EYS: variants seen among roughly 807,000 people sequenced by gnomAD.
EYS encodes protein eyes shut homolog.
In EYS, 250 loss-of-function variants were observed where a neutral mutation model predicts 282.1. That is an observed-to-expected ratio of 0.89 (90% CI 0.80 to 0.98). The LOEUF is 0.98. EYS is among the 50% of genes least tolerant of loss of function. The pLI is 0.00. For synonymous variants in EYS, 1,355 were observed against 1,282.9 expected (o/e 1.06, Z -1.20); for missense variants, 4,016 against 3,709.0 (o/e 1.08, Z -2.15).
intron 15 of EYS, among the ~76,000 whole-genome samples, chr6:64,916,455 AG>A (rs1326829596): frequency 6.6e-6 from 1 of 152,208 alleles, no homozygotes; most frequent in Non-Finnish European, 1.5e-5. Context: ...TAGAAAATAA[AG>A]TTCCGAGGAA....
intron 35 of EYS, among the ~76,000 whole-genome samples, chr6:63,908,257 AC>A (rs1217508203): frequency 2.4e-4 from 37 of 151,304 alleles, no homozygotes; most frequent in Admixed American, 2.4e-3. Flanking sequence ...TTAAAACCAC[AC>A]GAGATACCAT....
intron 30 of EYS, among the ~76,000 whole-genome samples, chr6:64,249,227 C>A (rs1346628972): frequency 6.6e-6 from 1 of 152,014 alleles, no homozygotes; most frequent in Non-Finnish European, 1.5e-5. Context: ...ATGTCTTTTG[C>A]AGCAACATGA....
chr6:64,210,556 T>C (rs1426093968), intron 31 of EYS, among the ~76,000 whole-genome samples: 1 of 152,190 alleles, frequency 6.6e-6, no homozygotes. Context: ...TCTCCAAATA[T>C]AGTCACATTC....
At chr6:64,571,097 A>C (rs1402003408) in intron 26 of EYS, among the ~76,000 whole-genome samples, 3 of 152,216 alleles carry the variant, frequency 2.0e-5, no homozygotes, top group African/African-American at 7.2e-5. Flanking sequence ...ACCACAGTGC[A>C]ATCAAATTAG....
intron 7 of EYS, among the ~76,000 whole-genome samples, chr6:65,396,389 A>G (rs1004769739): frequency 1.1e-4 from 16 of 151,930 alleles, no homozygotes; most frequent in African/African-American, 2.9e-4. Flanking sequence ...TTCTCCCCCA[A>G]CGTTTATTCC....
At chr6:64,977,496 A>G (rs1054816224) in intron 14 of EYS, among the ~76,000 whole-genome samples, 1 of 151,834 alleles carries the variant, frequency 6.6e-6, no homozygotes, top group African/African-American at 2.4e-5. Context: ...AATGAGGCCA[A>G]TTAATAACCC....
At chr6:65,683,729 A>G (rs1223859938) in intron 1 of EYS, among the ~76,000 whole-genome samples, 1 of 151,992 alleles carries the variant, frequency 6.6e-6, no homozygotes, top group East Asian at 1.9e-4. Context: ...ATGAGTTGGA[A>G]CTGACAAGGA....
intron 22 of EYS, among the ~76,000 whole-genome samples, chr6:64,758,445 T>C (rs571424088): frequency 6.6e-6 from 1 of 152,222 alleles, no homozygotes; most frequent in South Asian, 2.1e-4. Context: ...TGGTTTTTTT[T>C]GATTAGAGAC....
At chr6:63,981,281 T>G (rs1767077820) in intron 35 of EYS, among the ~76,000 whole-genome samples, 4 of 151,822 alleles carry the variant, frequency 2.6e-5, no homozygotes, top group African/African-American at 9.7e-5. Context: ...ATTCTTATTC[T>G]GATAATCTCC....
chr6:64,399,042 TA>T (rs1402461631), intron 28 of EYS, among the ~76,000 whole-genome samples: 3 of 151,864 alleles, frequency 2.0e-5, no homozygotes, highest in African/African-American at 7.2e-5. Flanking sequence ...AATAATTCTC[TA>T]AAATTTAATG....
intron 2 of EYS, among the ~76,000 whole-genome samples, chr6:65,591,550 C>T (rs12199868): frequency 0.17 from 25,963 of 151,850 alleles, 2,765 homozygotes; most frequent in Middle Eastern, 0.34. Flanking sequence ...TATTTTCTTG[C>T]CTTTTTAGAC....
intron 2 of EYS, among the ~76,000 whole-genome samples, chr6:65,564,310 A>G (rs907219128): frequency 1.3e-5 from 2 of 152,152 alleles, no homozygotes; most frequent in Non-Finnish European, 2.9e-5. Context: ...GAGCCCATAT[A>G]GCCAAGACAA....
chr6:64,465,678 T>C (rs915236055), intron 26 of EYS, among the ~76,000 whole-genome samples: 2 of 151,852 alleles, frequency 1.3e-5, no homozygotes, highest in African/African-American at 2.4e-5. Context: ...GTTCATGACA[T>C]TGGTCTGAGA....
chr6:63,925,992 G>A (rs957974667), intron 35 of EYS, among the ~76,000 whole-genome samples: 1 of 152,094 alleles, frequency 6.6e-6, no homozygotes, highest in African/African-American at 2.4e-5. Context: ...TTCTCCTAAT[G>A]CTCTCCCACC....
intron 30 of EYS, among the ~76,000 whole-genome samples, chr6:64,296,563 TA>T (rs1561913549): frequency 3.7e-3 from 26 of 6,950 alleles, no homozygotes; most frequent in African/African-American, 0.013. Flanking sequence ...TATATATATA[TA>T]TATATATATA....
chr6:64,092,455 G>T (rs1423126697), intron 31 of EYS, among the ~76,000 whole-genome samples: 1 of 151,430 alleles, frequency 6.6e-6, no homozygotes, highest in Non-Finnish European at 1.5e-5. Context: ...TAACTGGTGT[G>T]AGATGGTATC....
chr6:65,651,477 T>C (rs1767649061), intron 1 of EYS, among the ~76,000 whole-genome samples: 1 of 152,072 alleles, frequency 6.6e-6, no homozygotes, highest in South Asian at 2.1e-4. Flanking sequence ...CTTCTATAAC[T>C]TTCTTTGAGT....
At chr6:65,303,758 GA>G in intron 11 of EYS, 1 of 548,996 alleles carries the variant, frequency 1.8e-6, no homozygotes, top group South Asian at 2.1e-5. Context: ...CCTGGCTGAA[GA>G]AGAACATAGG....
At chr6:63,974,879 A>T (rs1394886686) in intron 35 of EYS, among the ~76,000 whole-genome samples, 1 of 152,072 alleles carries the variant, frequency 6.6e-6, no homozygotes, top group Non-Finnish European at 1.5e-5. Flanking sequence ...CAAGGATGGC[A>T]GTAATAAAAG....
Sources: allele counts gnomAD v4.1 joint callset (sites outside exome capture counted in the v4.1 genomes callset), GRCh38; gene constraint gnomAD v4.1.1; transcripts MANE v1.5; gene names NCBI Gene and HGNC (gene_info 2026-07-23, HGNC 2026-07-21).